Variants in SMCHD1 observed in about 807,000 individuals in gnomAD.
SMCHD1 encodes the protein structural maintenance of chromosomes flexible hinge domain-containing protein 1.
In SMCHD1, 78 loss-of-function variants were observed where a neutral mutation model predicts 254.7. That is an observed-to-expected ratio of 0.31 (90% CI 0.26 to 0.37). The LOEUF (loss-of-function observed/expected upper bound fraction) is 0.37, where lower values mean the gene tolerates loss of function less well. SMCHD1 is among the 10% of genes least tolerant of loss of function. SMCHD1 has a pLI of 1.00. For synonymous variants in SMCHD1, 766 were observed against 794.9 expected, an observed-to-expected ratio of 0.96 and a Z score of 0.61; for missense variants, 1,840 against 2,408.1, an observed-to-expected ratio of 0.76 and a Z score of 4.94.
intron 34 of SMCHD1, among the ~76,000 whole-genome samples, chr18:2,757,932 T>TC (rs1184735293): frequency 6.6e-6 from 1 of 152,124 alleles, no homozygotes; most frequent in African/African-American, 2.4e-5. Context: ...TATGAAGTAT[T>TC]CTTTTTCTCT....
chr18:2,683,488 CTT>C (rs2073975146), intron 5 of SMCHD1, among the ~76,000 whole-genome samples: 1 of 152,142 alleles, frequency 6.6e-6, no homozygotes, highest in South Asian at 2.1e-4. Flanking sequence ...AGAATGTACT[CTT>C]AAGTGATTTC....
At chr18:2,695,619 T>G (rs2074270382) in intron 8 of SMCHD1, among the ~76,000 whole-genome samples, 1 of 152,182 alleles carries the variant, frequency 6.6e-6, no homozygotes, top group Non-Finnish European at 1.5e-5. Flanking sequence ...CTAAAATTTT[T>G]TTTTTATAGC....
At chr18:2,739,084 G>A (rs1213935582) in intron 26 of SMCHD1, among the ~76,000 whole-genome samples, 1 of 152,110 alleles carries the variant, frequency 6.6e-6, no homozygotes, top group Non-Finnish European at 1.5e-5. Flanking sequence ...TTCTGTTTTT[G>A]AGATAGAATT....
intron 29 of SMCHD1, among the ~76,000 whole-genome samples, chr18:2,745,081 G>A (rs915833278): frequency 3.3e-5 from 5 of 152,204 alleles, no homozygotes; most frequent in Admixed American, 2.0e-4. Context: ...GACCTCAGGC[G>A]ATATGTCCGC....
chr18:2,758,876 TTTCACGGGCTTTGATTTCGTGGTC>T (rs2075730647), intron 34 of SMCHD1, among the ~76,000 whole-genome samples: 1 of 152,178 alleles, frequency 6.6e-6, no homozygotes. Context: ...CCTGCTTGGT[TTTCACGGGCTTTGATTTCGTGGTC>T]TTCAGTTTTT....
chr18:2,707,617 T>C lies in SMCHD1; in HGVS notation c.2118T>C (p.Asn706=). The C allele has an allele frequency of 3.8e-6, 6 of 1,597,786 alleles. No homozygotes were observed. The highest frequency in any genetic ancestry group is 5.1e-6 in the Non-Finnish European group (6 of 1,166,832). ...TWPEGDELLP[N]EVRPAGTPIG... ...CTGAAGGAGATGAATTATTGCCTAA[T>C]GAGGTTAGGCCTGCTGGAACCCCTA... The change falls in exon 16 of 48, where the codon AAT becomes AAC. Residue 706 remains asparagine (N), a synonymous_variant. Transcript: ENST00000320876.
intron 7 of SMCHD1, among the ~76,000 whole-genome samples, chr18:2,689,852 TA>T (rs1167921048): frequency 0.054 from 3,897 of 72,458 alleles, 146 homozygotes; most frequent in African/African-American, 0.17. Flanking sequence ...TTGTCTCTAC[TA>T]AAAAAAAAAA....
intron 17 of SMCHD1, among the ~76,000 whole-genome samples, chr18:2,714,543 C>CT (rs555696628): frequency 4.5e-4 from 69 of 151,804 alleles, no homozygotes; most frequent in Non-Finnish European, 9.0e-4. Flanking sequence ...TAGATCCTTT[C>CT]TTTTTTTCCC....
intron 41 of SMCHD1, among the ~76,000 whole-genome samples, chr18:2,774,892 G>A (rs1428583790): frequency 6.6e-6 from 1 of 152,168 alleles, no homozygotes; most frequent in African/African-American, 2.4e-5. Flanking sequence ...TGATGATTGG[G>A]TGTTCACGCA....
intron 34 of SMCHD1, among the ~76,000 whole-genome samples, chr18:2,760,062 G>A (rs1038211680): frequency 6.6e-6 from 1 of 152,110 alleles, no homozygotes; most frequent in Non-Finnish European, 1.5e-5. Flanking sequence ...ACATGCAAAA[G>A]CTACCCTAGG....
At chr18:2,684,700 A>AGTGTGTGTGT (rs71365193) in intron 5 of SMCHD1, among the ~76,000 whole-genome samples, 5,965 of 115,502 alleles carry the variant, frequency 0.052, 272 homozygotes, top group African/African-American at 0.082. Context: ...TTGCAGATTC[A>AGTGTGTGTGT]GTGTGTGTGT....
In SMCHD1 at chr18:2,724,858, AG is replaced by A. The variant is rs776745144; in HGVS notation, c.2604-39del. ...AAAAACACATTTGCAGCTTACTTGT[AG>A]GCAATTGAGGGGAGTTAAAAAATAA... On this transcript the variant is annotated intron_variant, in intron 20 of 47. Transcript: ENST00000320876. The A allele has an allele frequency of 1.2e-5, 14 of 1,137,606 alleles. No individual in the cohort carries two copies. The South Asian group carries it at 2.5e-4, about 20-fold the overall frequency. 70.5% of individuals were successfully genotyped at this position (1,137,606 alleles called of 1,614,324 possible).
intron 45 of SMCHD1, among the ~76,000 whole-genome samples, chr18:2,785,999 A>G (rs1197408915): frequency 6.6e-6 from 1 of 151,916 alleles, no homozygotes; most frequent in African/African-American, 2.4e-5. Flanking sequence ...GTTTACTTTT[A>G]TTTACTTTTT....
At chr18:2,678,668 T>C (rs11080978) in intron 5 of SMCHD1, among the ~76,000 whole-genome samples, 61,771 of 151,930 alleles carry the variant, frequency 0.41, 14,372 homozygotes, top group East Asian at 0.6. Flanking sequence ...TGTTTATTTC[T>C]TCATGTGTAT....
chr18:2,765,970 C>A (rs927130241), intron 37 of SMCHD1, among the ~76,000 whole-genome samples: 6 of 148,508 alleles, frequency 4.0e-5, no homozygotes, highest in Non-Finnish European at 9.0e-5. Context: ...GAAAACTTTA[C>A]CTGTTTTCCT....
At position 2,741,247 on chromosome 18, in the gene SMCHD1, A is replaced by G. The variant is rs1043345734; in HGVS notation, c.3633+426A>G. Among the ~76,000 whole-genome samples the G allele has an allele frequency of 3.9e-5, 6 of 152,192 alleles. No homozygotes were observed. The South Asian group carries it at 6.2e-4, about 16-fold the overall frequency. On this transcript the variant is annotated intron_variant, in intron 28 of 47. Transcript: ENST00000320876. Reference sequence around the variant, plus strand: ...TGTGCACTTAATTCATGTTAGCTTAAAAAATAAAAACTCTGGTGGAATTCT... The same window carrying G: ...TGTGCACTTAATTCATGTTAGCTTAGAAAATAAAAACTCTGGTGGAATTCT...
chr18:2,726,361 TA>T, intron 21 of SMCHD1, 90 bp from the exon 22 acceptor site: 1 of 672,946 alleles, frequency 1.5e-6, no homozygotes. Context: ...GGTATGAAAA[TA>T]AAACCAAAAT....
intron 30 of SMCHD1, 137 bp downstream of exon 30, chr18:2,747,784 C>A: frequency 1.3e-6 from 1 of 776,926 alleles, no homozygotes; most frequent in Non-Finnish European, 1.9e-6. Context: ...TGTAAATAAA[C>A]CTCAAAAATT....
intron 13 of SMCHD1, 23 bp from the exon 14 acceptor site, chr18:2,705,671 T>G: frequency 3.3e-6 from 4 of 1,210,114 alleles, no homozygotes; most frequent in Non-Finnish European, 4.7e-6. Context: ...AAGCTTTTTT[T>G]TTTTTTAAAA....
Sources: gnomAD v4.1 joint callset for allele counts (sites outside exome capture counted in the v4.1 genomes callset) on GRCh38, gnomAD v4.1.1 for gene constraint, MANE v1.5 for transcripts, NCBI Gene and HGNC (gene_info 2026-07-23, HGNC 2026-07-21) for gene names.